COL4A5: variants seen among roughly 807,000 people sequenced by gnomAD.
COL4A5 encodes the protein collagen alpha-5(IV) chain.
A neutral mutation model predicts 130.2 loss-of-function variants in COL4A5; 26 were observed. The observed-to-expected ratio is 0.20, with a 90% CI of 0.15 to 0.28. The LOEUF (loss-of-function observed/expected upper bound fraction) is 0.28, where lower values mean the gene tolerates loss of function less well. Ranked by LOEUF, COL4A5 falls within the 10% of genes least tolerant of loss-of-function variation. The pLI is 1.00. For synonymous variants in COL4A5, 496 were observed against 439.6 expected, an observed-to-expected ratio of 1.13 and a Z score of -1.60; for missense variants, 1,131 against 1,344.3, an observed-to-expected ratio of 0.84 and a Z score of 2.48.
At chrX:108,488,755 A>T (rs1366736133) in intron 1 of COL4A5, among the ~76,000 whole-genome samples, 1 of 111,877 alleles carries the variant, frequency 8.9e-6, no homozygotes, top group African/African-American at 3.2e-5. Context: ...ATGCTGCAGG[A>T]TTGATAGGCA....
At chrX:108,638,415 A>G (rs925639454) in intron 36 of COL4A5, among the ~76,000 whole-genome samples, 2 of 111,390 alleles carry the variant, frequency 1.8e-5, no homozygotes, top group African/African-American at 3.3e-5. Context: ...TAGGAATAGA[A>G]GCGAACTATC....
intron 26 of COL4A5, 152 bp downstream of exon 26, chrX:108,601,637 C>G (rs1434384050): frequency 6.3e-6 from 3 of 479,466 alleles, no homozygotes; most frequent in Non-Finnish European, 1.1e-5. Flanking sequence ...TCAAGCAGTT[C>G]TCCCTGCCTC....
intron 1 of COL4A5, among the ~76,000 whole-genome samples, chrX:108,469,545 T>C (rs1030452920): frequency 2.4e-4 from 27 of 111,784 alleles, no homozygotes; most frequent in Admixed American, 2.9e-4. Flanking sequence ...CCCTTTATTT[T>C]TTAGTTTAGC....
chrX:108,581,088 T>A (rs2066240356), intron 16 of COL4A5, 61 bp downstream of exon 16: 1 of 1,014,202 alleles, frequency 9.9e-7, no homozygotes, highest in African/African-American at 1.9e-5. Context: ...TGGTATAACA[T>A]AAGGTGGCAG....
At chrX:108,583,458 T>C (rs2066283489) in intron 17 of COL4A5, among the ~76,000 whole-genome samples, 1 of 111,853 alleles carries the variant, frequency 8.9e-6, no homozygotes, top group African/African-American at 3.2e-5. Flanking sequence ...CTTTGAAAGA[T>C]TGTATGAAGC....
intron 36 of COL4A5, 148 bp downstream of exon 36, chrX:108,626,497 G>C: frequency 1.7e-6 from 2 of 1,155,902 alleles, no homozygotes; most frequent in Non-Finnish European, 2.3e-6. Flanking sequence ...TTTTCTCTTA[G>C]ATGATAAGAA....
intron 13 of COL4A5, among the ~76,000 whole-genome samples, chrX:108,580,110 C>A (rs769790466): frequency 6.2e-4 from 69 of 111,009 alleles, no homozygotes; most frequent in Non-Finnish European, 1.1e-3. Context: ...AAAAAGTCAA[C>A]CTTTATTTTA....
intron 1 of COL4A5, among the ~76,000 whole-genome samples, chrX:108,529,363 G>A (rs1001235712): frequency 9.0e-6 from 1 of 111,136 alleles, no homozygotes; most frequent in African/African-American, 3.3e-5. Flanking sequence ...GATCATGAAA[G>A]AACATGAAAG....
intron 3 of COL4A5, among the ~76,000 whole-genome samples, chrX:108,559,749 A>T (rs748584951): frequency 1.8e-5 from 2 of 111,778 alleles, no homozygotes; most frequent in East Asian, 5.6e-4. Context: ...AGTGCAGAAA[A>T]AGTATTTTTA....
intron 1 of COL4A5, among the ~76,000 whole-genome samples, chrX:108,449,105 A>C (rs1174344227): frequency 5.4e-5 from 6 of 112,114 alleles, no homozygotes; most frequent in Non-Finnish European, 1.1e-4. Context: ...ACACCAGTAC[A>C]TTGGCAAGTG....
rs1192140084 is a variant in COL4A5, at chrX:108,687,548, C to A, written c.4382C>A (p.Thr1461Asn). Residue 1461 changes from threonine (T) to asparagine (N), a missense_variant, in exon 49 of 53, where the codon ACC becomes AAC. Transcript: ENST00000328300. ...CAAGGTCCCCCAGGTCCCCCTGGAA[C>A]CTCCTCTGTTGCACATGGATTTCTT... ...GLQGPPGPPG[T>N]SSVAHGFLIT... The A allele has an allele frequency of 2.5e-6, 3 of 1,209,752 alleles. No individual in the cohort carries two copies. The highest frequency in any genetic ancestry group is 3.4e-6 in the Non-Finnish European group (3 of 895,164).
At chrX:108,573,096 C>A (rs2066091086) in intron 8 of COL4A5, among the ~76,000 whole-genome samples, 1 of 109,840 alleles carries the variant, frequency 9.1e-6, no homozygotes, top group Non-Finnish European at 1.9e-5. Context: ...CCTTCTTTGA[C>A]TACCCAAGCT....
Position 108,680,763 on chromosome X carries a change from G to A in COL4A5, c.4015+12G>A, listed in dbSNP as rs1237432616. 1.1e-5 allele frequency: 13 copies of A among 1,204,252 alleles called. No individual in the cohort carries two copies. The highest frequency in any genetic ancestry group is 3.5e-5 in the African/African-American group (2 of 57,518). On this transcript the variant is annotated intron_variant, in intron 45 of 52. Coordinates refer to ENST00000328300, the MANE Select transcript of COL4A5 (RefSeq NM_033380.3). ...TCCAGGATTCCCAGGTATTTGAAGG[G>A]ATTTTTGTGGTTTCCCTTTATATTA...
intron 37 of COL4A5, among the ~76,000 whole-genome samples, chrX:108,659,016 A>G (rs2067899977): frequency 9.0e-6 from 1 of 111,122 alleles, no homozygotes; most frequent in African/African-American, 3.3e-5. Context: ...TGTCTTTTCT[A>G]ATAGATGTAT....
chrX:108,630,781 G>T (rs947068748), intron 36 of COL4A5, among the ~76,000 whole-genome samples: 12 of 111,752 alleles, frequency 1.1e-4, no homozygotes, highest in African/African-American at 3.9e-4. Flanking sequence ...GGGTTTTTAT[G>T]GTTTTATGTT....
chrX:108,539,051 T>C (rs2065496263), intron 1 of COL4A5, among the ~76,000 whole-genome samples: 1 of 111,706 alleles, frequency 9.0e-6, no homozygotes, highest in African/African-American at 3.3e-5. Context: ...GATAGTGTTA[T>C]ATATTTTATG....
chrX:108,553,518 G>C (rs1356260523), intron 2 of COL4A5, among the ~76,000 whole-genome samples: 1 of 111,587 alleles, frequency 9.0e-6, no homozygotes, highest in East Asian at 2.8e-4. Flanking sequence ...ATTAATTAGG[G>C]AAATGCAAGA....
chrX:108,603,522 A>T (rs1369518793), intron 28 of COL4A5, among the ~76,000 whole-genome samples: 7 of 112,254 alleles, frequency 6.2e-5, no homozygotes, highest in African/African-American at 2.3e-4. Context: ...AATTAAAAAT[A>T]CTTTATTGCT....
intron 8 of COL4A5, 88 bp from the exon 9 acceptor site, chrX:108,573,486 A>G (rs1413985123): frequency 2.4e-5 from 15 of 629,455 alleles, no homozygotes; most frequent in Non-Finnish European, 3.8e-5. Flanking sequence ...CTCTGTTACA[A>G]ATTGAATCTT....
Sources: gnomAD v4.1 joint callset for allele counts (sites outside exome capture counted in the v4.1 genomes callset) on GRCh38, gnomAD v4.1.1 for gene constraint, MANE v1.5 for transcripts, NCBI Gene and HGNC (gene_info 2026-07-23, HGNC 2026-07-21) for gene names.